ZNF577: variants seen among roughly 807,000 people sequenced by gnomAD.
ZNF577 encodes zinc finger protein 577.
Under a neutral mutation model 13.9 loss-of-function variants are expected in ZNF577, and 14 were observed. The observed-to-expected ratio is 1.00, with a 90% CI of 0.66 to 1.57. ZNF577 has a LOEUF of 1.57. Among genes scored for constraint, ZNF577 ranks in the 40% most tolerant of loss-of-function variants. The pLI, the probability that ZNF577 is intolerant of heterozygous loss-of-function variation, is 0.00. For missense variants in ZNF577, 555 were observed against 579.2 expected (o/e 0.96, Z 0.43); for synonymous variants, 203 against 202.9 (o/e 1.00, Z 0.00).
chr19:51,805,796 G>C (rs558528935), intron 10 of ZNF577, among the ~76,000 whole-genome samples: 1 of 152,122 alleles, frequency 6.6e-6, no homozygotes, highest in African/African-American at 2.4e-5. Context: ...CCAAGGAAAC[G>C]ATAGCAAAAA....
intron 5 of ZNF577, among the ~76,000 whole-genome samples, chr19:51,855,190 T>C (rs2084405325): frequency 6.6e-6 from 1 of 152,196 alleles, no homozygotes; most frequent in South Asian, 2.1e-4. Context: ...TCAGATTCCC[T>C]CTCTCCCCAG....
At chr19:51,884,637 A>C (rs2084914207) in intron 1 of ZNF577, among the ~76,000 whole-genome samples, 1 of 151,634 alleles carries the variant, frequency 6.6e-6, no homozygotes, top group South Asian at 2.1e-4. Flanking sequence ...AACACAAATC[A>C]ATAGAATAAA....
intron 9 of ZNF577, chr19:51,811,686 G>A (rs62108952): frequency 0.12 from 18,017 of 152,170 alleles, 1,325 homozygotes; most frequent in South Asian, 0.28. Flanking sequence ...TGAACAAAGG[G>A]GGATGAACAC....
chr19:51,876,493 GGTGA>G (rs776139353), intron 5 of ZNF577, among the ~76,000 whole-genome samples: 26 of 152,138 alleles, frequency 1.7e-4, no homozygotes, highest in African/African-American at 3.9e-4. Context: ...GGGAGCAGTG[GGTGA>G]GTAAGTCGAC....
At position 51,857,438 on chromosome 19, in the gene ZNF577, CAAAG is replaced by C. The variant is rs770604452; in HGVS notation, c.284-12511_284-12508del. 6.2e-3 allele frequency among the ~76,000 whole-genome samples: 882 copies of C among 142,402 alleles called. 6 individuals carry two copies. The highest frequency in any genetic ancestry group is 0.021 in the African/African-American group (818 of 38,150). The allele number at this position is 142,402 out of a possible 152,430, so 93.4% of individuals were successfully genotyped here. On this transcript the variant is annotated intron_variant and NMD_transcript_variant, in intron 5 of 10. Transcript: ENST00000638827. ...AGAAAGAAAGAAAGAAAAGAAAAAA[CAAAG>C]AAAGGAAGGAGAAGAAATGTGTATT...
intron 5 of ZNF577, among the ~76,000 whole-genome samples, chr19:51,852,451 A>G (rs2084383644): frequency 6.6e-6 from 1 of 152,194 alleles, no homozygotes; most frequent in African/African-American, 2.4e-5. Flanking sequence ...AGCGAAAACC[A>G]ATCACCAGGT....
downstream of ZNF577, among the ~76,000 whole-genome samples, chr19:51,865,199 T>C (rs2122621263): frequency 6.6e-6 from 1 of 152,246 alleles, no homozygotes; most frequent in African/African-American, 2.4e-5. Context: ...AGGGTTCAAG[T>C]GATTCTCCAA....
chr19:51,874,571 C>G (rs141770074), intron 5 of ZNF577, among the ~76,000 whole-genome samples: 1 of 151,890 alleles, frequency 6.6e-6, no homozygotes, highest in African/African-American at 2.4e-5. Context: ...TTTGGCAAGG[C>G]TGGCAGGATT....
chr19:51,864,856 C>T (rs145220534), downstream of ZNF577, among the ~76,000 whole-genome samples: 307 of 152,308 alleles, frequency 2.0e-3, 1 homozygote, highest in African/African-American at 7.1e-3. Flanking sequence ...AGCACCCTTA[C>T]GCCCTCCAAC....
At chr19:51,849,218 A>G (rs777091039) in intron 5 of ZNF577, among the ~76,000 whole-genome samples, 7 of 152,336 alleles carry the variant, frequency 4.6e-5, no homozygotes, top group Middle Eastern at 3.4e-3. Context: ...TAGGTTGCGC[A>G]TACAAAACAG....
chr19:51,866,022 G>C (rs963056720), downstream of ZNF577, among the ~76,000 whole-genome samples: 8 of 152,004 alleles, frequency 5.3e-5, no homozygotes, highest in Admixed American at 2.0e-4. Context: ...GGCTGAGGCA[G>C]GAGAATTGCT....
intron 5 of ZNF577, among the ~76,000 whole-genome samples, chr19:51,857,499 G>A (rs1471878836): frequency 6.6e-6 from 1 of 152,178 alleles, no homozygotes; most frequent in Admixed American, 6.5e-5. Context: ...TTTTAGAAGA[G>A]CATAGACCAC....
At chr19:51,839,265 A>G (rs2084305924) in intron 9 of ZNF577, among the ~76,000 whole-genome samples, 1 of 152,170 alleles carries the variant, frequency 6.6e-6, no homozygotes. Context: ...GTGGTTGAGC[A>G]TGCCTTTAGT....
intron 9 of ZNF577, among the ~76,000 whole-genome samples, chr19:51,838,578 T>C (rs2084301428): frequency 6.8e-6 from 1 of 147,710 alleles, no homozygotes; most frequent in African/African-American, 2.4e-5. Context: ...TATAATTATA[T>C]AAATATTTAT....
chr19:51,882,458 T>C (rs535585173), intron 1 of ZNF577, among the ~76,000 whole-genome samples: 3 of 149,536 alleles, frequency 2.0e-5, no homozygotes, highest in South Asian at 2.2e-4. Flanking sequence ...GGTTGTCAGA[T>C]TGGCAGCCAA....
chr19:51,849,587 T>C (rs2084369929), intron 5 of ZNF577, among the ~76,000 whole-genome samples: 1 of 152,212 alleles, frequency 6.6e-6, no homozygotes, highest in South Asian at 2.1e-4. Flanking sequence ...CAACTACATT[T>C]CTGTTCTTCA....
chr19:51,831,361 C>T (rs1393103419), intron 9 of ZNF577, among the ~76,000 whole-genome samples: 1 of 152,184 alleles, frequency 6.6e-6, no homozygotes, highest in African/African-American at 2.4e-5. Context: ...AAGTGATCCA[C>T]CTGCCTTGGC....
chr19:51,849,395 G>C (rs1206947190), intron 5 of ZNF577, among the ~76,000 whole-genome samples: 1 of 152,204 alleles, frequency 6.6e-6, no homozygotes, highest in Non-Finnish European at 1.5e-5. Flanking sequence ...ATGGTGTTGG[G>C]AAGTGAGGCT....
At chr19:51,856,953 A>G (rs2084428549) in intron 5 of ZNF577, among the ~76,000 whole-genome samples, 1 of 152,172 alleles carries the variant, frequency 6.6e-6, no homozygotes, top group African/African-American at 2.4e-5. Flanking sequence ...GAGGGTGTGA[A>G]TGCGCCTCAC....
Sources: allele counts gnomAD v4.1 joint callset (sites outside exome capture counted in the v4.1 genomes callset), GRCh38; gene constraint gnomAD v4.1.1; transcripts MANE v1.5; gene names NCBI Gene and HGNC (gene_info 2026-07-23, HGNC 2026-07-21).